NHSL1: variants seen among roughly 807,000 people sequenced by gnomAD.
NHSL1 encodes NHS like 1, also known as NHS-like protein 1.
Under a neutral mutation model 95.0 loss-of-function variants are expected in NHSL1, and 48 were observed. That is an observed-to-expected ratio of 0.51 (90% confidence interval 0.40 to 0.64). The LOEUF (loss-of-function observed/expected upper bound fraction) is 0.64, where lower values mean the gene tolerates loss of function less well. Among genes scored for constraint, NHSL1 ranks in the 30% least tolerant of loss-of-function variants. The probability of loss-of-function intolerance (pLI) is 0.00; values close to 1 mark genes in which losing one functional copy is unlikely to be tolerated. For missense variants in NHSL1, 1,971 were observed against 2,077.7 expected, an observed-to-expected ratio of 0.95 and a Z score of 1.00; for synonymous variants, 783 against 833.9, an observed-to-expected ratio of 0.94 and a Z score of 1.05.
In NHSL1 at chr6:138,424,477, C is replaced by G. The variant is rs112068860; in HGVS notation, c.4425G>C (p.Ala1475=). 1.2e-5 allele frequency: 19 copies of G among 1,551,586 alleles called. No homozygotes were observed. In the African/African-American group the frequency reaches 1.4e-4, roughly 11 times the overall value. ...SSCSPSKNRR[A]QEEWAKNEGL... is the part of the protein sequence containing the mutation. ...CTTCGTTCTTGGCCCACTCCTCCTG[C>G]GCCCTTCTGTTCTTGCTTGGGGAGC... is the stretch of plus-strand genomic sequence containing the variant. Residue 1475 remains alanine, a synonymous_variant, in exon 8 of 8, where the codon GCG becomes GCC. Coordinates refer to ENST00000343505, the MANE Select transcript of NHSL1 (RefSeq NM_001144060.2). This position sits in a 1 kb window ranked among gnomAD's most constrained non-coding sequence, Gnocchi z 5.9.
At position 138,430,093 on chromosome 6, in the gene NHSL1, T is replaced by C. The variant is rs1775532901; in HGVS notation, c.3953-250A>G. Among the ~76,000 whole-genome samples the C allele has an allele frequency of 6.6e-6, 1 of 152,206 alleles. No homozygotes were observed. Among genetic ancestry groups the C allele is most frequent in the African/African-American group, 2.4e-5 (1 of 41,440 alleles). On this transcript the variant is annotated intron_variant, in intron 6 of 7. Coordinates refer to ENST00000343505, the MANE Select transcript of NHSL1 (RefSeq NM_001144060.2). The surrounding 1 kb of genome is among the most constrained non-coding windows in gnomAD (Gnocchi z 4.7). ...TCTTAAATTTTGTTGCAACGTTTCT[T>C]TGCGCGGCTCTTCGGAAGGGAGGTG...
At chr6:138,537,163 A>G (rs1264322835) in intron 1 of NHSL1, among the ~76,000 whole-genome samples, 1 of 152,242 alleles carries the variant, frequency 6.6e-6, no homozygotes, top group Non-Finnish European at 1.5e-5. Flanking sequence ...ATTTTTATCA[A>G]GTATTTGTTC....
At chr6:138,623,217 A>G (rs1377812951) in intron 1 of NHSL1, among the ~76,000 whole-genome samples, 1 of 152,206 alleles carries the variant, frequency 6.6e-6, no homozygotes, top group Non-Finnish European at 1.5e-5. Flanking sequence ...CAGAGCACAG[A>G]AAATGAAGGC....
intron 2 of NHSL1, among the ~76,000 whole-genome samples, chr6:138,481,980 T>G (rs186257113): frequency 6.6e-6 from 1 of 152,300 alleles, no homozygotes; most frequent in East Asian, 1.9e-4. Context: ...AAAGTAAATA[T>G]TTTATCTCTT....
At chr6:138,518,906 T>C (rs1398686838) in intron 1 of NHSL1, among the ~76,000 whole-genome samples, 1 of 152,060 alleles carries the variant, frequency 6.6e-6, no homozygotes, top group Non-Finnish European at 1.5e-5. Flanking sequence ...TAATCCCAGC[T>C]ACTCGGGAGG....
chr6:138,671,139 A>C (rs571221996), intron 1 of NHSL1, among the ~76,000 whole-genome samples: 47 of 152,274 alleles, frequency 3.1e-4, no homozygotes, highest in Non-Finnish European at 6.2e-4. Flanking sequence ...TGAGTGACAG[A>C]GCAAGATTCT....
intron 1 of NHSL1, among the ~76,000 whole-genome samples, chr6:138,592,111 C>T (rs189398703): frequency 1.6e-3 from 246 of 152,240 alleles, no homozygotes; most frequent in Middle Eastern, 6.8e-3. Context: ...ATTTAATTAT[C>T]ACCCTCAAGA....
intron 2 of NHSL1, among the ~76,000 whole-genome samples, chr6:138,476,286 G>C (rs1779060847): frequency 6.6e-6 from 1 of 152,146 alleles, no homozygotes; most frequent in Admixed American, 6.6e-5. Flanking sequence ...AAATGTGGTA[G>C]ATACACACCA....
intron 1 of NHSL1, among the ~76,000 whole-genome samples, chr6:138,585,444 A>G (rs997208958): frequency 2.0e-5 from 3 of 152,256 alleles, no homozygotes; most frequent in Admixed American, 2.0e-4. Context: ...TTCAAAGAAG[A>G]GTGTGAAATT....
At chr6:138,595,898 C>T (rs1784297128) in intron 1 of NHSL1, among the ~76,000 whole-genome samples, 1 of 152,072 alleles carries the variant, frequency 6.6e-6, no homozygotes, top group Admixed American at 6.5e-5. Context: ...GGCAGAGGGA[C>T]TCCAACATGG....
intron 3 of NHSL1, among the ~76,000 whole-genome samples, chr6:138,454,993 T>C (rs17783119): frequency 0.13 from 20,243 of 152,246 alleles, 1,370 homozygotes; most frequent in Middle Eastern, 0.17. Context: ...ACCCTGATTA[T>C]AGAGTAGTGG....
intron 1 of NHSL1, among the ~76,000 whole-genome samples, chr6:138,537,760 AC>A (rs1782417592): frequency 6.6e-6 from 1 of 152,108 alleles, no homozygotes; most frequent in South Asian, 2.1e-4. Context: ...TAGCAGGGAA[AC>A]CCTTTACAAA....
intron 1 of NHSL1, among the ~76,000 whole-genome samples, chr6:138,582,350 T>C (rs754900727): frequency 6.6e-6 from 1 of 151,192 alleles, no homozygotes; most frequent in African/African-American, 2.4e-5. Flanking sequence ...TGAATGAGAA[T>C]GTAAAACATT....
intron 1 of NHSL1, among the ~76,000 whole-genome samples, chr6:138,514,960 T>C (rs1781397849): frequency 6.6e-6 from 1 of 151,740 alleles, no homozygotes; most frequent in South Asian, 2.1e-4. Context: ...TGTACTGAAT[T>C]CACCCTTCTT....
intron 2 of NHSL1, among the ~76,000 whole-genome samples, chr6:138,492,634 T>C (rs1480102503): frequency 6.6e-6 from 1 of 152,258 alleles, no homozygotes; most frequent in Non-Finnish European, 1.5e-5. Context: ...TATGCATTGT[T>C]TTAAAATGTA....
intron 2 of NHSL1, among the ~76,000 whole-genome samples, chr6:138,477,332 G>T (rs575474135): frequency 9.1e-4 from 139 of 152,280 alleles, no homozygotes; most frequent in Non-Finnish European, 1.8e-3. Flanking sequence ...GGGCATAGTG[G>T]GTCACACCTG....
intron 7 of NHSL1, among the ~76,000 whole-genome samples, chr6:138,427,024 C>T (rs1286219734): frequency 6.6e-6 from 1 of 152,238 alleles, no homozygotes; most frequent in Non-Finnish European, 1.5e-5. Flanking sequence ...ACAACTAGGA[C>T]TTGAGCTTAT....
At chr6:138,509,569 C>G (rs969166492) in intron 1 of NHSL1, among the ~76,000 whole-genome samples, 15 of 152,166 alleles carry the variant, frequency 9.9e-5, no homozygotes, top group Non-Finnish European at 1.9e-4. Flanking sequence ...AAGGTCGCCA[C>G]CTACAGGGGA....
rs756612583 is a variant in NHSL1 at position 138,430,369 on chromosome 6, G to A, written c.3952+24C>T. 10 of 1,450,002 alleles carry A rather than the reference G, an allele frequency of 6.9e-6. No homozygotes were observed. Among genetic ancestry groups the A allele is most frequent in the African/African-American group, 2.9e-5 (2 of 69,924 alleles). 89.8% of individuals were successfully genotyped at this position (1,450,002 alleles called of 1,614,324 possible). ...GCATATGGGCAGAGGGCACAGGAGAGAGAAGCCAGGAAGCCAGACTCACCT... is the reference window on the plus strand; with the variant it reads ...GCATATGGGCAGAGGGCACAGGAGAAAGAAGCCAGGAAGCCAGACTCACCT... On this transcript the variant is annotated intron_variant, in intron 6 of 7. Transcript: ENST00000343505. The surrounding 1 kb of genome is among the most constrained non-coding windows in gnomAD (Gnocchi z 4.7).
Sources: allele counts gnomAD v4.1 joint callset (sites outside exome capture counted in the v4.1 genomes callset), GRCh38; gene constraint gnomAD v4.1.1; non-coding constraint Gnocchi (gnomAD v3.1); transcripts MANE v1.5; gene names NCBI Gene and HGNC (gene_info 2026-07-23, HGNC 2026-07-21).